The following CIMIP7 variants were observed in gnomAD, a reference collection of about 807,000 sequenced individuals.
CIMIP7 encodes the protein uncharacterized protein C3orf84.
chr3:49,184,881 C>T, the CIMIP7 span, among the ~76,000 whole-genome samples: 18 of 151,588 alleles, frequency 1.2e-4, no homozygotes, highest in African/African-American at 3.9e-4. Context: ...CCACCCACCT[C>T]GGCCTCCCAA....
chr3:49,190,030 A>G, the CIMIP7 span: 18 of 1,613,068 alleles, frequency 1.1e-5, no homozygotes, highest in Middle Eastern at 1.6e-4. Flanking sequence ...TGTACCTGAC[A>G]TCGCTGCAGG....
chr3:49,179,069 CT>C, the CIMIP7 span, among the ~76,000 whole-genome samples: 1 of 152,164 alleles, frequency 6.6e-6, no homozygotes, highest in Non-Finnish European at 1.5e-5. Flanking sequence ...TATGACTGAG[CT>C]TTGGGTCATC....
At chr3:49,189,085 T>C in the CIMIP7 span, among the ~76,000 whole-genome samples, 81 of 152,064 alleles carry the variant, frequency 5.3e-4, no homozygotes, top group African/African-American at 1.9e-3. Flanking sequence ...TTCTCCTGCC[T>C]TAGCCTCCCG....
At chr3:49,187,539 T>A in the CIMIP7 span, among the ~76,000 whole-genome samples, 1 of 151,732 alleles carries the variant, frequency 6.6e-6, no homozygotes, top group South Asian at 2.1e-4. Context: ...CTGTCCAACC[T>A]GAGGAACTAA....
At chr3:49,181,686 T>A in the CIMIP7 span, among the ~76,000 whole-genome samples, 1 of 152,150 alleles carries the variant, frequency 6.6e-6, no homozygotes, top group Non-Finnish European at 1.5e-5. Flanking sequence ...GACTAGAATA[T>A]ATAAGGAAGT....
the CIMIP7 span, among the ~76,000 whole-genome samples, chr3:49,190,528 C>T: frequency 2.7e-5 from 4 of 150,676 alleles, no homozygotes; most frequent in Admixed American, 2.0e-4. Flanking sequence ...CAGAGTCTTG[C>T]TCTTTCACCC....
At chr3:49,187,157 A>G in the CIMIP7 span, among the ~76,000 whole-genome samples, 77 of 152,270 alleles carry the variant, frequency 5.1e-4, no homozygotes, top group East Asian at 7.3e-3. Context: ...AAACTGTGGG[A>G]GCTTGGTGAG....
the CIMIP7 span, among the ~76,000 whole-genome samples, chr3:49,188,987 G>A: frequency 3.4e-5 from 5 of 147,366 alleles, no homozygotes; most frequent in African/African-American, 7.5e-5. Flanking sequence ...TTTTTGAGAC[G>A]GAGTTTTGCT....
the CIMIP7 span, among the ~76,000 whole-genome samples, chr3:49,178,967 T>C: frequency 6.6e-6 from 1 of 152,110 alleles, no homozygotes; most frequent in East Asian, 1.9e-4. Flanking sequence ...AATTTCTATC[T>C]CCAGCTCAAA....
the CIMIP7 span, among the ~76,000 whole-genome samples, chr3:49,181,094 C>T: frequency 1.5e-4 from 23 of 152,044 alleles, no homozygotes; most frequent in South Asian, 4.1e-3. Flanking sequence ...ATAATCCCAG[C>T]AGTTTGGGAG....
the CIMIP7 span, among the ~76,000 whole-genome samples, chr3:49,191,143 G>C: frequency 3.3e-5 from 5 of 152,178 alleles, no homozygotes; most frequent in African/African-American, 1.2e-4. Flanking sequence ...GACGATGGGT[G>C]TGTCTGGCCC....
the CIMIP7 span, among the ~76,000 whole-genome samples, chr3:49,180,054 C>T: frequency 6.6e-6 from 1 of 152,116 alleles, no homozygotes; most frequent in African/African-American, 2.4e-5. Context: ...GGACAGATCA[C>T]TTGAGGTCAG....
chr3:49,190,136 G>C, the CIMIP7 span: 2 of 1,596,286 alleles, frequency 1.3e-6, no homozygotes, highest in Non-Finnish European at 1.7e-6. Context: ...AGCCATTGTT[G>C]TGCTATAACA....
the CIMIP7 span, among the ~76,000 whole-genome samples, chr3:49,181,890 T>TG: frequency 6.6e-6 from 1 of 152,228 alleles, no homozygotes; most frequent in African/African-American, 2.4e-5. Flanking sequence ...AAAGGCGGCA[T>TG]GTCCGGAGTT....
chr3:49,178,286 CCAACAT>C, the CIMIP7 span, among the ~76,000 whole-genome samples: 1 of 152,156 alleles, frequency 6.6e-6, no homozygotes, highest in Non-Finnish European at 1.5e-5. Context: ...GCAGAGGAAA[CCAACAT>C]AGAGATGTCT....
the CIMIP7 span, among the ~76,000 whole-genome samples, chr3:49,180,701 C>T: frequency 8.5e-5 from 13 of 152,078 alleles, no homozygotes; most frequent in African/African-American, 4.8e-5. Context: ...GAGGCCGAGG[C>T]GGGCGGATCA....
chr3:49,185,240 G>C, the CIMIP7 span, among the ~76,000 whole-genome samples: 3 of 142,268 alleles, frequency 2.1e-5, no homozygotes, highest in Non-Finnish European at 4.6e-5. Context: ...CAGCCTAGGT[G>C]ACAGAGCAAG....
the CIMIP7 span, among the ~76,000 whole-genome samples, chr3:49,182,605 A>C: frequency 4.6e-5 from 7 of 152,232 alleles, no homozygotes; most frequent in Non-Finnish European, 8.8e-5. Context: ...GGCTTCACCC[A>C]GTGGATCCCG....
the CIMIP7 span, among the ~76,000 whole-genome samples, chr3:49,186,784 T>A: frequency 2.0e-5 from 3 of 152,178 alleles, no homozygotes; most frequent in African/African-American, 7.2e-5. Context: ...CTAAGGAAAT[T>A]TGAATGAACT....
Sources: gnomAD v4.1 joint callset for allele counts (sites outside exome capture counted in the v4.1 genomes callset) on GRCh38, gnomAD v4.1.1 for gene constraint, MANE v1.5 for transcripts, NCBI Gene and HGNC (gene_info 2026-07-23, HGNC 2026-07-21) for gene names.